The following RAD51B variants were observed in gnomAD, a reference collection of about 807,000 sequenced individuals.
RAD51B encodes the protein DNA repair protein RAD51 homolog 2.
A neutral mutation model predicts 42.2 loss-of-function variants in RAD51B; 38 were observed. That is an observed-to-expected ratio of 0.90 (90% confidence interval 0.70 to 1.18). The LOEUF (loss-of-function observed/expected upper bound fraction) is 1.18. Ranked by LOEUF, RAD51B falls within the 50% of genes most tolerant of loss-of-function variation. The pLI is 0.00. For synonymous variants in RAD51B, 154 were observed against 145.2 expected (o/e 1.06, Z -0.43); for missense variants, 373 against 400.7 (o/e 0.93, Z 0.59).
intron 7 of RAD51B, among the ~76,000 whole-genome samples, chr14:67,893,555 C>T (rs1409688950): frequency 1.3e-5 from 2 of 150,800 alleles, no homozygotes; most frequent in African/African-American, 4.9e-5. Flanking sequence ...CCTGTAGTCA[C>T]AGCTACTTGG....
intron 7 of RAD51B, among the ~76,000 whole-genome samples, chr14:67,921,191 G>A (rs576106245): frequency 7.9e-5 from 12 of 152,248 alleles, no homozygotes; most frequent in Non-Finnish European, 1.6e-4. Context: ...CCTTAGAGGA[G>A]GGCTAGGAAT....
At chr14:68,324,985 C>T (rs2082222888) in intron 8 of RAD51B, among the ~76,000 whole-genome samples, 1 of 152,202 alleles carries the variant, frequency 6.6e-6, no homozygotes, top group Non-Finnish European at 1.5e-5. Context: ...TAACACAGTG[C>T]CTTACACTCC....
At chr14:68,227,823 A>G (rs1482565707) in intron 7 of RAD51B, among the ~76,000 whole-genome samples, 1 of 152,210 alleles carries the variant, frequency 6.6e-6, no homozygotes, top group Non-Finnish European at 1.5e-5. Flanking sequence ...TATGATGGGC[A>G]TGCCTACATA....
chr14:68,555,202 C>T (rs990575388), intron 10 of RAD51B, among the ~76,000 whole-genome samples: 11 of 152,214 alleles, frequency 7.2e-5, no homozygotes, highest in South Asian at 2.1e-4. Flanking sequence ...ATAGGACATC[C>T]GTATGTGCTG....
intron 7 of RAD51B, among the ~76,000 whole-genome samples, chr14:67,964,170 A>G (rs1474139317): frequency 6.6e-6 from 1 of 152,116 alleles, no homozygotes; most frequent in Non-Finnish European, 1.5e-5. Context: ...TGTAAATGTC[A>G]GGAAATATGC....
intron 7 of RAD51B, among the ~76,000 whole-genome samples, chr14:68,164,020 A>T (rs1566696221): frequency 6.6e-6 from 1 of 152,154 alleles, no homozygotes; most frequent in Non-Finnish European, 1.5e-5. Flanking sequence ...TTATCTGTTT[A>T]CAAACATTTT....
At chr14:68,547,746 C>G (rs1474547665) in intron 10 of RAD51B, among the ~76,000 whole-genome samples, 1 of 152,184 alleles carries the variant, frequency 6.6e-6, no homozygotes, top group Non-Finnish European at 1.5e-5. Context: ...GGGGAGAGAA[C>G]AGCCAGGCTT....
At chr14:68,095,819 C>CA (rs1291776631) in intron 7 of RAD51B, among the ~76,000 whole-genome samples, 3 of 151,366 alleles carry the variant, frequency 2.0e-5, no homozygotes, top group South Asian at 2.1e-4. Flanking sequence ...ACTAAAAATA[C>CA]AAAAAAATTA....
intron 7 of RAD51B, among the ~76,000 whole-genome samples, chr14:68,160,636 T>G (rs909069648): frequency 6.6e-6 from 1 of 152,232 alleles, no homozygotes; most frequent in African/African-American, 2.4e-5. Context: ...ATATTATATC[T>G]TGACTACTGA....
chr14:68,133,232 C>T (rs1171947317), intron 7 of RAD51B, among the ~76,000 whole-genome samples: 6 of 152,106 alleles, frequency 3.9e-5, no homozygotes, highest in Non-Finnish European at 8.8e-5. Context: ...TCAGGTAAGG[C>T]AGGCACATAT....
At chr14:68,673,746 T>C (rs1893231725) in intron 11 of RAD51B, among the ~76,000 whole-genome samples, 1 of 150,964 alleles carries the variant, frequency 6.6e-6, no homozygotes, top group African/African-American at 2.4e-5. Flanking sequence ...ACACATACTG[T>C]ACACACATAT....
At chr14:68,300,547 A>G (rs2081707916) in intron 8 of RAD51B, among the ~76,000 whole-genome samples, 1 of 152,202 alleles carries the variant, frequency 6.6e-6, no homozygotes, top group South Asian at 2.1e-4. Context: ...GAAGTTACCT[A>G]TCACTAGTCC....
chr14:68,317,273 G>C (rs1452405432), intron 8 of RAD51B, among the ~76,000 whole-genome samples: 2 of 147,976 alleles, frequency 1.4e-5, no homozygotes, highest in Non-Finnish European at 3.0e-5. Flanking sequence ...GAGAGTCTAA[G>C]CTCCCCTTAA....
At chr14:68,364,683 A>G (rs2083104803) in intron 8 of RAD51B, among the ~76,000 whole-genome samples, 1 of 152,180 alleles carries the variant, frequency 6.6e-6, no homozygotes. Flanking sequence ...TTTGCCTTAA[A>G]TAAGCCCCTT....
chr14:68,592,746 C>T (rs956801626), intron 10 of RAD51B, among the ~76,000 whole-genome samples: 3 of 152,250 alleles, frequency 2.0e-5, no homozygotes, highest in Non-Finnish European at 2.9e-5. Flanking sequence ...TTCTTATTGC[C>T]TCATTGTATA....
chr14:68,386,420 T>A (rs1299053392), intron 8 of RAD51B, among the ~76,000 whole-genome samples: 2 of 152,200 alleles, frequency 1.3e-5, no homozygotes, highest in African/African-American at 2.4e-5. Flanking sequence ...GATGCAGCAA[T>A]AACATACCTT....
At chr14:68,087,899 T>TATATAA (rs1491357744) in intron 7 of RAD51B, among the ~76,000 whole-genome samples, 6 of 78,680 alleles carry the variant, frequency 7.6e-5, no homozygotes, top group African/African-American at 1.5e-4. Context: ...TAATATATTA[T>TATATAA]TTATATAATT....
At chr14:68,263,331 C>A (rs1213398439) in intron 7 of RAD51B, among the ~76,000 whole-genome samples, 1 of 152,132 alleles carries the variant, frequency 6.6e-6, no homozygotes, top group Non-Finnish European at 1.5e-5. Context: ...ATGTAAAAAG[C>A]AGAATTTCTT....
intron 11 of RAD51B, among the ~76,000 whole-genome samples, chr14:68,654,544 G>A (rs1446845161): frequency 6.6e-6 from 1 of 152,170 alleles, no homozygotes; most frequent in Non-Finnish European, 1.5e-5. Context: ...CATTTGTGAT[G>A]GGAAGAGAAC....
Sources: gnomAD v4.1 joint callset for allele counts (sites outside exome capture counted in the v4.1 genomes callset) on GRCh38, gnomAD v4.1.1 for gene constraint, MANE v1.5 for transcripts, NCBI Gene and HGNC (gene_info 2026-07-23, HGNC 2026-07-21) for gene names.